LEKR1: variants seen among roughly 807,000 people sequenced by gnomAD.
LEKR1 encodes protein LEKR1.
In LEKR1, 59 loss-of-function variants were observed where a neutral mutation model predicts 72.4. That is an observed-to-expected ratio of 0.82 (90% CI 0.66 to 1.01). The LOEUF (loss-of-function observed/expected upper bound fraction) is 1.01, where lower values mean the gene tolerates loss of function less well. LEKR1 is among the 50% of genes least tolerant of loss of function. LEKR1 has a pLI of 0.00. For missense variants in LEKR1, 728 were observed against 759.2 expected (o/e 0.96, Z 0.48); for synonymous variants, 257 against 263.2 (o/e 0.98, Z 0.23).
At chr3:156,970,958 AT>A (rs1480339864) in intron 6 of LEKR1, among the ~76,000 whole-genome samples, 2 of 151,822 alleles carry the variant, frequency 1.3e-5, no homozygotes, top group Non-Finnish European at 2.9e-5. Flanking sequence ...CAAGCTACCA[AT>A]GACTTTCTTC....
At chr3:156,969,331 G>A (rs1410758054) in intron 6 of LEKR1, among the ~76,000 whole-genome samples, 1 of 152,048 alleles carries the variant, frequency 6.6e-6, no homozygotes, top group Non-Finnish European at 1.5e-5. Context: ...ATGAATCCAG[G>A]AGCTGGTTTT....
chr3:156,841,433 TA>T (rs1288649616), intron 2 of LEKR1, among the ~76,000 whole-genome samples: 2 of 152,308 alleles, frequency 1.3e-5, no homozygotes, highest in Non-Finnish European at 2.9e-5. Flanking sequence ...AAGCATTTCA[TA>T]AATCTGCAGA....
intron 12 of LEKR1, among the ~76,000 whole-genome samples, chr3:157,036,313 C>A (rs1734964927): frequency 6.6e-6 from 1 of 151,208 alleles, no homozygotes; most frequent in African/African-American, 2.4e-5. Flanking sequence ...TTAAAAAAAT[C>A]AATATTTGGG....
intron 3 of LEKR1, among the ~76,000 whole-genome samples, chr3:156,896,024 C>T (rs1038743958): frequency 2.6e-5 from 4 of 152,062 alleles, no homozygotes; most frequent in Admixed American, 2.6e-4. Context: ...AATACTATGC[C>T]ACCATAAAAA....
chr3:156,951,224 C>T (rs562775269), intron 6 of LEKR1, among the ~76,000 whole-genome samples: 4 of 151,438 alleles, frequency 2.6e-5, no homozygotes, highest in Non-Finnish European at 5.9e-5. Context: ...TACTTTATCA[C>T]GACGTGTTAG....
At chr3:156,941,394 T>C (rs1361065704) in intron 5 of LEKR1, among the ~76,000 whole-genome samples, 1 of 152,078 alleles carries the variant, frequency 6.6e-6, no homozygotes, top group East Asian at 1.9e-4. Context: ...TAAAACATGC[T>C]CTTTTTTCCT....
chr3:157,018,416 T>C (rs752558139), intron 10 of LEKR1, among the ~76,000 whole-genome samples: 1 of 152,220 alleles, frequency 6.6e-6, no homozygotes, highest in Non-Finnish European at 1.5e-5. Flanking sequence ...AAATCGACCA[T>C]ATTTTGGCTT....
chr3:156,827,609 G>A (rs937118478), intron 1 of LEKR1, among the ~76,000 whole-genome samples: 13 of 152,202 alleles, frequency 8.5e-5, no homozygotes, highest in Non-Finnish European at 1.5e-4. Context: ...CAGATTAGCC[G>A]TGATGTGCAT....
At chr3:156,866,673 G>A (rs1717344745) in intron 3 of LEKR1, among the ~76,000 whole-genome samples, 1 of 151,942 alleles carries the variant, frequency 6.6e-6, no homozygotes, top group South Asian at 2.1e-4. Flanking sequence ...CTATTGATAT[G>A]ATGTTTTATG....
rs1040445548 is a variant in LEKR1 at position 156,852,824 on chromosome 3, T to G, written c.105T>G (p.His35Gln). Reference sequence around the variant, plus strand: ...GTGGAGTCAGCTATCTAATTCTTCATGAATTTAAGGCTATGGAAGAAAAAG... The same window carrying G: ...GTGGAGTCAGCTATCTAATTCTTCAGGAATTTAAGGCTATGGAAGAAAAAG... The part of the protein sequence containing the change: ...KYCGVSYLIL[H>Q]EFKAMEEKVK... Residue 35 changes from histidine to glutamine, a missense_variant, in exon 3 of 13, where the codon CAT becomes CAG. Transcript: ENST00000356539. The G allele has an allele frequency of 2.4e-5, 37 of 1,535,324 alleles. 1 individual carries two copies. The highest frequency in any genetic ancestry group is 3.1e-5 in the Non-Finnish European group (36 of 1,145,744).
chr3:156,941,123 A>G (rs1185326850), intron 5 of LEKR1, among the ~76,000 whole-genome samples: 10 of 139,700 alleles, frequency 7.2e-5, no homozygotes, highest in Non-Finnish European at 4.8e-5. Context: ...TTTTAGCAGC[A>G]TATAGCTATT....
chr3:156,993,543 GAA>G, intron 9 of LEKR1, among the ~76,000 whole-genome samples: 1 of 140,958 alleles, frequency 7.1e-6, no homozygotes, highest in South Asian at 2.2e-4. Flanking sequence ...AATTCTTCTT[GAA>G]AAAAAAAAAA....
At chr3:157,004,477 G>T (rs1025113357) in intron 9 of LEKR1, among the ~76,000 whole-genome samples, 1 of 152,004 alleles carries the variant, frequency 6.6e-6, no homozygotes, top group African/African-American at 2.4e-5. Flanking sequence ...TAACATAATT[G>T]ACATTTATAC....
At chr3:156,999,179 T>C (rs1055134349) in intron 9 of LEKR1, among the ~76,000 whole-genome samples, 1 of 152,188 alleles carries the variant, frequency 6.6e-6, no homozygotes, top group African/African-American at 2.4e-5. Context: ...GTGAGTCAAT[T>C]AAACCTCTTT....
intron 3 of LEKR1, among the ~76,000 whole-genome samples, chr3:156,901,327 G>A (rs1458330097): frequency 6.6e-6 from 1 of 152,032 alleles, no homozygotes; most frequent in Non-Finnish European, 1.5e-5. Context: ...CAAAGAAGCA[G>A]CTGGGTACTT....
rs1436345125 is a variant in LEKR1, at chr3:156,852,819, C to A, written c.100C>A (p.Leu34Ile). 2.0e-6 allele frequency: 3 copies of A among 1,535,004 alleles called. No homozygotes were observed. The highest frequency in any genetic ancestry group is 2.7e-5 in the African/African-American group (2 of 72,882). The stretch of plus-strand genomic sequence containing the variant: ...GTACTGTGGAGTCAGCTATCTAATT[C>A]TTCATGAATTTAAGGCTATGGAAGA... ...CKYCGVSYLI[L>I]HEFKAMEEKV... is the part of the protein sequence containing the mutation. Residue 34 changes from leucine (L) to isoleucine (I), a missense_variant, in exon 3 of 13, where the codon CTT (leucine) becomes ATT (isoleucine). Transcript: ENST00000356539.
Position 156,993,155 on chromosome 3 carries a change from T to C in LEKR1, c.987T>C (p.Thr329=), listed in dbSNP as rs1312934169. Residue 329 remains threonine, a synonymous_variant, in exon 9 of 13, where the codon ACT becomes ACC. Coordinates refer to ENST00000356539, the MANE Select transcript of LEKR1 (RefSeq NM_001004316.3). ...QIYKALQEEL[T]VKEKQEEDIK... Reference sequence around the variant, plus strand: ...ATAAAGCATTACAGGAAGAGCTGACTGTGAAAGAAAAGCAAGAAGAAGACA... The same window carrying C: ...ATAAAGCATTACAGGAAGAGCTGACCGTGAAAGAAAAGCAAGAAGAAGACA... 4 of 1,612,518 alleles carry C rather than the reference T, an allele frequency of 2.5e-6. No individual in the cohort carries two copies. In the South Asian group the frequency reaches 4.4e-5, roughly 18 times the overall value.
chr3:156,927,639 T>C, intron 5 of LEKR1, 35 bp downstream of exon 5: 1 of 895,068 alleles, frequency 1.1e-6, no homozygotes, highest in Non-Finnish European at 1.5e-6. Context: ...AATTGTCCCT[T>C]TTTGGTAAAT....
intron 2 of LEKR1, chr3:156,851,107 G>A (rs1035456919): frequency 1.5e-5 from 2 of 132,206 alleles, no homozygotes; most frequent in African/African-American, 3.9e-5. Flanking sequence ...CTAAACTATT[G>A]CATCTGGGCA....
Sources: gnomAD v4.1 joint callset for allele counts (sites outside exome capture counted in the v4.1 genomes callset) on GRCh38, gnomAD v4.1.1 for gene constraint, MANE v1.5 for transcripts, NCBI Gene and HGNC (gene_info 2026-07-23, HGNC 2026-07-21) for gene names.